Variants in PACC1 observed in about 807,000 individuals in gnomAD.
PACC1 encodes the protein proton activated chloride channel 1.
In PACC1, 34 loss-of-function variants were observed where a neutral mutation model predicts 39.7. That is an observed-to-expected ratio of 0.86 (90% CI 0.65 to 1.14). PACC1 has a LOEUF of 1.14. PACC1 is among the 50% of genes most tolerant of loss of function. The pLI is 0.00. For missense variants in PACC1, 379 were observed against 436.4 expected (o/e 0.87, Z 1.17); for synonymous variants, 127 against 160.6 (o/e 0.79, Z 1.58).
At position 212,394,669 on chromosome 1, in the gene PACC1, C is replaced by T. The variant is rs373678149; in HGVS notation, c.134-7569G>A. ...TTGTCCCTGTTTGCAGATGACATGA[C>T]TGTATATCTAGAAAACCCCATCGTC... On this transcript the variant is annotated intron_variant, in intron 2 of 7. Coordinates refer to ENST00000261455, the MANE Select transcript of PACC1 (RefSeq NM_018252.3). Among the ~76,000 whole-genome samples the T allele has an allele frequency of 1.5e-3, 228 of 152,152 alleles. 2 individuals are homozygous for T. The South Asian group carries it at 0.037, about 25-fold the overall frequency.
intron 2 of PACC1, among the ~76,000 whole-genome samples, chr1:212,401,086 CCATA>C (rs991010037): frequency 1.3e-5 from 2 of 152,096 alleles, no homozygotes; most frequent in African/African-American, 4.8e-5. Flanking sequence ...AATTTACATA[CCATA>C]CAATTTACCC....
chr1:212,396,826 A>G (rs2102521239), intron 2 of PACC1, among the ~76,000 whole-genome samples: 1 of 151,380 alleles, frequency 6.6e-6, no homozygotes, highest in East Asian at 1.9e-4. Context: ...CTATCTATCT[A>G]TCTATCTATC....
chr1:212,368,120 C>A lies in PACC1; in HGVS notation c.892-2744G>T, dbSNP rs79288909. Among the ~76,000 whole-genome samples the A allele has an allele frequency of 9.8e-5, 15 of 152,308 alleles. No homozygotes were observed. The East Asian group carries it at 2.7e-3, about 27-fold the overall frequency. ...CTGATCCTCCCCAAGTACATCAGGG[C>A]TGGATATCTAGAAGTCTACAAGATA... On this transcript the variant is annotated intron_variant, in intron 7 of 7. Coordinates refer to ENST00000261455, the MANE Select transcript of PACC1 (RefSeq NM_018252.3).
At chr1:212,375,324 G>C in intron 6 of PACC1, 24 bp from the exon 7 acceptor site, 1 of 1,541,378 alleles carries the variant, frequency 6.5e-7, no homozygotes, top group Admixed American at 1.7e-5. Flanking sequence ...AGAGAAAGCA[G>C]TGTTACCACC....
chr1:212,380,523 T>C lies in PACC1; in HGVS notation c.496-486A>G, dbSNP rs546148280. On this transcript the variant is annotated intron_variant, in intron 4 of 7. Coordinates refer to ENST00000261455, the MANE Select transcript of PACC1 (RefSeq NM_018252.3). Reference sequence around the variant, plus strand: ...TATTTCTTTATAGCACTTTTTAATCTTTTTTACATTTAGATACTTTATATA... The same window carrying C: ...TATTTCTTTATAGCACTTTTTAATCCTTTTTACATTTAGATACTTTATATA... Among the ~76,000 whole-genome samples, 4 of 152,266 alleles carry C rather than the reference T, an allele frequency of 2.6e-5. No individual in the cohort carries two copies. In the East Asian group the frequency reaches 7.7e-4, roughly 29 times the overall value.
chr1:212,383,578 T>A (rs181649422), intron 4 of PACC1, among the ~76,000 whole-genome samples: 1 of 152,364 alleles, frequency 6.6e-6, no homozygotes, highest in East Asian at 1.9e-4. Context: ...CTTGGTCCTT[T>A]TCTGTCATTG....
At chr1:212,377,047 A>G (rs1002632088) in intron 6 of PACC1, among the ~76,000 whole-genome samples, 8 of 152,218 alleles carry the variant, frequency 5.3e-5, no homozygotes, top group African/African-American at 1.7e-4. Flanking sequence ...ATGATCAAAA[A>G]GTTTTTACTA....
At chr1:212,376,165 G>C (rs1416289931) in intron 6 of PACC1, among the ~76,000 whole-genome samples, 1 of 152,126 alleles carries the variant, frequency 6.6e-6, no homozygotes, top group Non-Finnish European at 1.5e-5. Flanking sequence ...AGAGCAGACA[G>C]GTAACAAAGG....
intron 2 of PACC1, among the ~76,000 whole-genome samples, chr1:212,391,308 G>A (rs991138104): frequency 2.0e-5 from 3 of 152,178 alleles, no homozygotes; most frequent in African/African-American, 4.8e-5. Flanking sequence ...TGCAGCCTCC[G>A]CTGCTGATAC....
At position 212,382,593 on chromosome 1, in the gene PACC1, G is replaced by C. The variant is rs575591567; in HGVS notation, c.496-2556C>G. Among the ~76,000 whole-genome samples, 119 of 152,266 alleles carry C rather than the reference G, an allele frequency of 7.8e-4. 1 individual carries two copies. Among genetic ancestry groups the C allele is most frequent in the Middle Eastern group, 6.8e-3 (2 of 294 alleles). On this transcript the variant is annotated intron_variant, in intron 4 of 7. Coordinates refer to ENST00000261455, the MANE Select transcript of PACC1 (RefSeq NM_018252.3). ...ACAACAGGATGAGACCCTCGACTGG[G>C]GTCACTTTCACATGAACTTGATTAG...
chr1:212,384,001 C>G (rs1388458153), intron 4 of PACC1, among the ~76,000 whole-genome samples: 1 of 152,150 alleles, frequency 6.6e-6, no homozygotes, highest in Non-Finnish European at 1.5e-5. Flanking sequence ...AATGACTACC[C>G]TGCTCTCTAA....
At chr1:212,395,168 G>A (rs57210764) in intron 2 of PACC1, among the ~76,000 whole-genome samples, 3,867 of 152,104 alleles carry the variant, frequency 0.025, 163 homozygotes, top group African/African-American at 0.086. Context: ...GAGGCATCAC[G>A]CTACCTGACT....
chr1:212,396,797 TATCTATC>T (rs771367355), intron 2 of PACC1, among the ~76,000 whole-genome samples: 19 of 582 alleles, frequency 0.033, no homozygotes, highest in Non-Finnish European at 0.038. Flanking sequence ...GGGAAAAAAA[TATCTATC>T]TATCTATCTA....
chr1:212,394,919 G>C (rs1411645533), intron 2 of PACC1, among the ~76,000 whole-genome samples: 1 of 152,110 alleles, frequency 6.6e-6, no homozygotes, highest in African/African-American at 2.4e-5. Flanking sequence ...ACAAACCACT[G>C]CTCAATGAAA....
In PACC1 at chr1:212,413,789, C is replaced by A. The variant is rs535809152; in HGVS notation, c.36+933G>T. ...GGAATGCTCCGAGGTGAAGGCAGGG[C>A]CTCAAGGCAAATCTGGAGAGTATAA... On this transcript the variant is annotated intron_variant, in intron 1 of 7. Transcript: ENST00000261455. The A allele has an allele frequency of 4.8e-6, 6 of 1,239,412 alleles. No homozygotes were observed. The African/African-American group carries it at 9.1e-5, about 19-fold the overall frequency. The allele number at this position is 1,239,412 out of a possible 1,614,324, so 76.8% of individuals were successfully genotyped here. A position where few individuals can be genotyped will look rare whatever the true frequency, so the allele number is the denominator to read the frequency against.
At chr1:212,387,795 T>A (rs1661158086) in intron 2 of PACC1, 1 of 152,518 alleles carries the variant, frequency 6.6e-6, no homozygotes. Context: ...GGCTCAAGCC[T>A]GTAATCCCAG....
chr1:212,373,137 G>A (rs1046403541), intron 7 of PACC1, among the ~76,000 whole-genome samples: 1 of 152,120 alleles, frequency 6.6e-6, no homozygotes, highest in South Asian at 2.1e-4. Flanking sequence ...AAAGCAGCAT[G>A]GTATTGGCAT....
intron 1 of PACC1, chr1:212,413,802 C>G (rs1289375017): frequency 6.7e-6 from 9 of 1,342,790 alleles, no homozygotes; most frequent in Middle Eastern, 2.6e-4. Flanking sequence ...CAAGGCAAAT[C>G]TGGAGAGTAT....
At chr1:212,368,459 G>A (rs1660322526) in intron 7 of PACC1, among the ~76,000 whole-genome samples, 2 of 151,990 alleles carry the variant, frequency 1.3e-5, no homozygotes, top group Non-Finnish European at 2.9e-5. Flanking sequence ...ATGTTCTGAG[G>A]AAACTCCAGG....
Sources: allele counts gnomAD v4.1 joint callset (sites outside exome capture counted in the v4.1 genomes callset), GRCh38; gene constraint gnomAD v4.1.1; transcripts MANE v1.5; gene names NCBI Gene and HGNC (gene_info 2026-07-23, HGNC 2026-07-21).